ZNF730: variants seen among roughly 807,000 people sequenced by gnomAD.
The protein encoded by ZNF730 is putative zinc finger protein 730.
ZNF730 carries 12 observed loss-of-function variants against 12.6 expected under a neutral mutation model. The observed-to-expected ratio is 0.95, with a 90% CI of 0.61 to 1.54. The LOEUF (loss-of-function observed/expected upper bound fraction) is 1.54. Among genes scored for constraint, ZNF730 ranks in the 40% most tolerant of loss-of-function variants. The pLI is 0.00. For missense variants in ZNF730, 643 were observed against 583.5 expected, an observed-to-expected ratio of 1.10 and a Z score of -1.05; for synonymous variants, 194 against 195.8, an observed-to-expected ratio of 0.99 and a Z score of 0.08.
Position 23,095,452 on chromosome 19 carries a change from C to G in ZNF730, c.-94+20065C>G, listed in dbSNP as rs1310678203. The G allele has an allele frequency of 1.5e-5, 6 of 398,396 alleles. No individual in the cohort carries two copies. In the East Asian group the frequency reaches 2.1e-4, roughly 14 times the overall value. 24.7% of individuals were successfully genotyped at this position (398,396 alleles called of 1,614,324 possible). A position where few individuals can be genotyped will look rare whatever the true frequency, so the allele number is the denominator to read the frequency against. On this transcript the variant is annotated intron_variant, in intron 1 of 2. Transcript: ENST00000593635. ...AACCCATCACACAGGTAATGCAACT[C>G]TATTCTCCTACCTGGCCCCTTCTCA...
At chr19:23,086,761 G>C (rs1304663129) in intron 1 of ZNF730, among the ~76,000 whole-genome samples, 1 of 152,146 alleles carries the variant, frequency 6.6e-6, no homozygotes, top group Admixed American at 6.5e-5. Flanking sequence ...GGATTGTCAT[G>C]CCTATTCAGG....
intron 1 of ZNF730, among the ~76,000 whole-genome samples, chr19:23,109,741 G>T (rs1191799075): frequency 6.6e-6 from 1 of 151,976 alleles, no homozygotes; most frequent in South Asian, 2.1e-4. Flanking sequence ...TAAAGACAAG[G>T]TTTCACCATG....
At chr19:23,143,550 GA>G (rs1256332802) in intron 3 of ZNF730, 1 of 152,044 alleles carries the variant, frequency 6.6e-6, no homozygotes, top group African/African-American at 2.4e-5. Flanking sequence ...GTATTTTCTT[GA>G]ATCCTTTTAT....
chr19:23,112,349 G>A (rs1402779680), upstream of ZNF730, among the ~76,000 whole-genome samples: 1 of 152,100 alleles, frequency 6.6e-6, no homozygotes, highest in Non-Finnish European at 1.5e-5. Context: ...AGCATCTTTT[G>A]TGTGCACTCA....
At position 23,146,184 on chromosome 19, in the gene ZNF730, C is replaced by T. The variant is rs1457210069; in HGVS notation, c.1140C>T (p.Ser380=). The T allele has an allele frequency of 6.2e-7, 1 of 1,608,956 alleles. No homozygotes were observed. Among genetic ancestry groups the T allele is most frequent in the East Asian group, 2.2e-5 (1 of 44,724 alleles). The change falls in exon 4 of 4, where the codon TCC becomes TCT. Residue 380 remains serine, a synonymous_variant. Coordinates refer to ENST00000597761, the MANE Select transcript of ZNF730 (RefSeq NM_001277403.2). The part of the protein sequence containing the change: ...YKECGKAFNQ[S]STLTIHKIIH... ...AATGTGGTAAAGCTTTTAACCAATC[C>T]TCAACTCTTACTATACATAAGATAA... is the stretch of plus-strand genomic sequence containing the variant.
Position 23,145,831 on chromosome 19 carries a change from A to G in ZNF730, c.787A>G (p.Lys263Glu). Residue 263 changes from lysine (K) to glutamate (E), a missense_variant, in exon 4 of 4, where the codon AAA (lysine) becomes GAA (glutamate). By Grantham distance (56) the Lys-to-Glu change is moderately conservative. Transcript: ENST00000597761. ...ACCCTACCAATGTGAGAAATGTGGC[A>G]AATTTTTTAACCAATCCACAAACCT... ...EKPYQCEKCG[K>E]FFNQSTNLTT... 6.2e-7 allele frequency: 1 copy of G among 1,602,468 alleles called. No individual in the cohort carries two copies. The highest frequency in any genetic ancestry group is 1.3e-5 in the African/African-American group (1 of 74,552).
Position 23,139,581 on chromosome 19 carries a change from G to A in ZNF730, c.226+3538G>A, listed in dbSNP as rs940465078. Among the ~76,000 whole-genome samples, 14 of 152,182 alleles carry A rather than the reference G, an allele frequency of 9.2e-5. No individual in the cohort carries two copies. The South Asian group carries it at 2.9e-3, about 32-fold the overall frequency. ...GCTCTGTTTCCCAGGCTGGAGTGCA[G>A]TGGCACGATCTCGGCTCCCTGCAAC... On this transcript the variant is annotated intron_variant, in intron 3 of 3. Transcript: ENST00000597761.
chr19:23,088,240 G>C (rs1471435522), intron 1 of ZNF730, among the ~76,000 whole-genome samples: 2 of 151,064 alleles, frequency 1.3e-5, no homozygotes, highest in African/African-American at 2.4e-5. Context: ...GGCTGGTCTT[G>C]AACACCTGAC....
At chr19:23,115,529 G>T (rs1970508647), upstream of ZNF730, among the ~76,000 whole-genome samples, 1 of 152,144 alleles carries the variant, frequency 6.6e-6, no homozygotes. Flanking sequence ...CCGTGTGCCA[G>T]TTTGGGGCCT....
At chr19:23,109,716 T>C (rs1218187454) in intron 1 of ZNF730, among the ~76,000 whole-genome samples, 1 of 151,960 alleles carries the variant, frequency 6.6e-6, no homozygotes, top group East Asian at 1.9e-4. Context: ...CCTAGCCTAA[T>C]TTTTGTATTT....
At position 23,145,617 on chromosome 19, in the gene ZNF730, T is replaced by TA. The variant is rs1568318964; in HGVS notation, c.580dup (p.Ile194AsnfsTer11). 1.4e-5 allele frequency: 21 copies of TA among 1,546,652 alleles called. No homozygotes were observed. Among genetic ancestry groups the TA allele is most frequent in the South Asian group, 6.1e-5 (5 of 82,000 alleles). On this transcript the variant is annotated frameshift_variant, in exon 4 of 4. Coordinates refer to ENST00000597761, the MANE Select transcript of ZNF730 (RefSeq NM_001277403.2). LOFTEE classifies it low-confidence loss of function (END_TRUNC). ...GCATTCTTTCACACTTAGCTCAACATAAAAAAATTCATACTGGAGAGAAAT... is the reference window on the plus strand; with the variant it reads ...GCATTCTTTCACACTTAGCTCAACATAAAAAAAATTCATACTGGAGAGAAAT...
chr19:23,093,618 A>G (rs1480476720), intron 1 of ZNF730, among the ~76,000 whole-genome samples: 1 of 152,022 alleles, frequency 6.6e-6, no homozygotes, highest in Non-Finnish European at 1.5e-5. Flanking sequence ...TGGCTGAGGC[A>G]CTGGTGTCTG....
At position 23,145,869 on chromosome 19, in the gene ZNF730, A is replaced by G. The variant is rs1599604460; in HGVS notation, c.825A>G (p.Lys275=). ...AATCCACAAACCTTACTACACATAA[A>G]AGAATTCATACTGGAGAGAAACCCT... is the stretch of plus-strand genomic sequence containing the variant. ...FNQSTNLTTH[K]RIHTGEKPYK... is the part of the protein sequence containing the mutation. The change falls in exon 4 of 4, where the codon AAA becomes AAG. Residue 275 remains lysine (K), a synonymous_variant. Coordinates refer to ENST00000597761, the MANE Select transcript of ZNF730 (RefSeq NM_001277403.2). 1 of 1,609,694 alleles carries G rather than the reference A, an allele frequency of 6.2e-7. No homozygotes were observed. The highest frequency in any genetic ancestry group is 8.5e-7 in the Non-Finnish European group (1 of 1,179,180).
At chr19:23,104,711 G>C (rs1970372133) in intron 1 of ZNF730, among the ~76,000 whole-genome samples, 1 of 152,184 alleles carries the variant, frequency 6.6e-6, no homozygotes, top group African/African-American at 2.4e-5. Context: ...CCAAGGCTTT[G>C]ACTGAAAGGG....
intron 1 of ZNF730, among the ~76,000 whole-genome samples, chr19:23,133,443 G>T: frequency 6.6e-6 from 1 of 152,172 alleles, no homozygotes; most frequent in East Asian, 1.9e-4. Context: ...CCAGGTTCAA[G>T]CAATTCGCCT....
At position 23,136,093 on chromosome 19, in the gene ZNF730, T is replaced by TA. The variant is rs771104378; in HGVS notation, c.226+57dup. The stretch of plus-strand genomic sequence containing the variant: ...CAAAACTGATAAGAGATCTATAGTT[T>TA]AAAAAAAGAAAAAAAACCAGTTTTT... On this transcript the variant is annotated intron_variant, in intron 3 of 3. Coordinates refer to ENST00000597761, the MANE Select transcript of ZNF730 (RefSeq NM_001277403.2). The TA allele has an allele frequency of 1.4e-5, 18 of 1,314,660 alleles. No individual in the cohort carries two copies. In the South Asian group the frequency reaches 3.4e-4, roughly 25 times the overall value. The allele number at this position is 1,314,660 out of a possible 1,614,324, so 81.4% of individuals were successfully genotyped here.
intron 1 of ZNF730, chr19:23,123,258 GA>G (rs1970621720): frequency 6.6e-6 from 1 of 152,164 alleles, no homozygotes; most frequent in Non-Finnish European, 1.5e-5. Flanking sequence ...GGAGATGGGA[GA>G]GCAGCAGACA....
intron 1 of ZNF730, among the ~76,000 whole-genome samples, chr19:23,083,376 A>G (rs142266966): frequency 0.012 from 1,776 of 152,258 alleles, 34 homozygotes; most frequent in African/African-American, 0.04. Flanking sequence ...GTGAGCCGAG[A>G]TTGTGCCACT....
rs1295473586 is a variant in ZNF730, at chr19:23,145,990, A to G, written c.946A>G (p.Lys316Glu). 1 of 1,605,928 alleles carries G rather than the reference A, an allele frequency of 6.2e-7. No homozygotes were observed. Among genetic ancestry groups the G allele is most frequent in the African/African-American group, 1.3e-5 (1 of 74,318 alleles). Reference sequence around the variant, plus strand: ...TAAAGAGCAACCATACAAATGCGAAAAATGTGGCAAAGCTTTTAAGTGGTC... The same window carrying G: ...TAAAGAGCAACCATACAAATGCGAAGAATGTGGCAAAGCTTTTAAGTGGTC... ...HTKEQPYKCE[K>E]CGKAFKWSST... Residue 316 changes from lysine (K) to glutamate (E), a missense_variant, in exon 4 of 4, where the codon AAA becomes GAA. Lys to Glu is a moderately conservative substitution (Grantham distance 56). Transcript: ENST00000597761.
Sources: gnomAD v4.1 joint callset for allele counts (sites outside exome capture counted in the v4.1 genomes callset) on GRCh38, gnomAD v4.1.1 for gene constraint, MANE v1.5 for transcripts, NCBI Gene and HGNC (gene_info 2026-07-23, HGNC 2026-07-21) for gene names.